Variants in FAM181A observed in about 807,000 individuals in gnomAD.
FAM181A encodes family with sequence similarity 181 member A.
In FAM181A, 7 loss-of-function variants were observed where a neutral mutation model predicts 16.3. The ratio of observed to expected loss-of-function variants is 0.43; its 90% CI spans 0.24 to 0.81. The LOEUF (loss-of-function observed/expected upper bound fraction) is 0.81. Ranked by LOEUF, FAM181A falls within the 30% of genes least tolerant of loss-of-function variation. FAM181A has a pLI of 0.24. For synonymous variants in FAM181A, 183 were observed against 164.9 expected (o/e 1.11, Z -0.84); for missense variants, 349 against 377.5 (o/e 0.92, Z 0.63).
At chr14:93,927,060 A>ACACACACC (rs143090510), upstream of FAM181A, 136 of 154,184 alleles carry the variant, frequency 8.8e-4, 1 homozygote, top group Non-Finnish European at 1.3e-3. Context: ...ACACACACAC[A>ACACACACC]CCCCACCCCC....
At chr14:93,927,736 GGAGTGGTGGGA>G in intron 1 of FAM181A, 1 of 987,860 alleles carries the variant, frequency 1.0e-6, no homozygotes, top group South Asian at 1.7e-5. Flanking sequence ...GCTGGGGGCA[GGAGTGGTGGGA>G]GGGGGAGGCT....
chr14:93,922,595 C>T (rs963513457), upstream of FAM181A, among the ~76,000 whole-genome samples: 1 of 152,178 alleles, frequency 6.6e-6, no homozygotes, highest in Non-Finnish European at 1.5e-5. Context: ...GAGGCTGAGG[C>T]AGGAGAATCA....
Position 93,928,593 on chromosome 14 carries a change from C to T in FAM181A, c.308C>T (p.Pro103Leu), listed in dbSNP as rs752651380. Residue 103 changes from proline (P) to leucine (L), a missense_variant, in exon 2 of 2, where the codon CCC becomes CTC. Transcript: ENST00000556222. The part of the protein sequence containing the change: ...GGCKEKVLRN[P>L]YREECLAKEQ... Reference sequence around the variant, plus strand: ...TGCAAGGAGAAGGTGCTGAGGAACCCCTACAGGGAGGAATGTCTTGCTAAG... The same window carrying T: ...TGCAAGGAGAAGGTGCTGAGGAACCTCTACAGGGAGGAATGTCTTGCTAAG... The T allele has an allele frequency of 9.3e-6, 15 of 1,613,764 alleles. No homozygotes were observed. The Admixed American group carries it at 2.5e-4, about 27-fold the overall frequency.
At chr14:93,923,581 C>A (rs908337881), upstream of FAM181A, 2 of 152,294 alleles carry the variant, frequency 1.3e-5, no homozygotes, top group African/African-American at 4.8e-5. Flanking sequence ...GCCACCTCCA[C>A]ACCCTCTGGT....
upstream of FAM181A, chr14:93,927,126 G>A: frequency 3.5e-6 from 1 of 283,244 alleles, no homozygotes; most frequent in South Asian, 1.2e-4. Context: ...GCTGAGGAGA[G>A]TGGGGCTGAA....
chr14:93,925,474 G>GA, upstream of FAM181A: 1 of 1,009,934 alleles, frequency 9.9e-7, no homozygotes, highest in South Asian at 1.6e-5. Flanking sequence ...GGTGGCCACA[G>GA]GCCCTCAGGG....
Position 93,928,454 on chromosome 14 carries a change from C to T in FAM181A, c.169C>T (p.Arg57Trp), listed in dbSNP as rs142299390. 676 of 1,611,698 alleles carry T rather than the reference C, an allele frequency of 4.2e-4. 2 individuals carry two copies. The highest frequency in any genetic ancestry group is 1.6e-4 in the Middle Eastern group (1 of 6,076). ...CTCCCAGAAGTATTCCCGGCTCCCG[C>T]GGGGCCTTCCTGGCAGAGCTGCTGA... ...RFSQKYSRLP[R>W]GLPGRAAEPY... Residue 57 changes from arginine to tryptophan, a missense_variant, in exon 2 of 2, where the codon CGG (arginine) becomes TGG (tryptophan). Transcript: ENST00000556222.
At chr14:93,921,287 G>A (rs1887714656) in intron 1 of FAM181A, among the ~76,000 whole-genome samples, 1 of 152,328 alleles carries the variant, frequency 6.6e-6, no homozygotes, top group African/African-American at 2.4e-5. Flanking sequence ...TCCAACGTGG[G>A]ACTTGATCAC....
chr14:93,928,735 T>C lies in FAM181A; in HGVS notation c.450T>C (p.His150=). The C allele has an allele frequency of 6.2e-7, 1 of 1,613,840 alleles. No homozygotes were observed. Among genetic ancestry groups the C allele is most frequent in the Non-Finnish European group, 8.5e-7 (1 of 1,179,942 alleles). The stretch of plus-strand genomic sequence containing the variant: ...AGCCAAGGCCCACCCACAGCTACCA[T>C]GTGGGGCTGGAGGGGGGACTGGGCC... ...WEEPRPTHSY[H]VGLEGGLGPR... Residue 150 remains histidine, a synonymous_variant, in exon 2 of 2, where the codon CAT becomes CAC. Transcript: ENST00000556222.
intron 1 of FAM181A, among the ~76,000 whole-genome samples, chr14:93,927,833 C>G (rs1362633304): frequency 6.6e-6 from 1 of 151,828 alleles, no homozygotes; most frequent in African/African-American, 2.4e-5. Context: ...AAACACCTCG[C>G]TGGCAAGTTG....
chr14:93,929,132 C>T lies in FAM181A; in HGVS notation c.847C>T (p.Pro283Ser). The T allele has an allele frequency of 1.3e-6, 2 of 1,521,882 alleles. No homozygotes were observed. Among genetic ancestry groups the T allele is most frequent in the Non-Finnish European group, 1.8e-6 (2 of 1,136,562 alleles). 94.3% of individuals were successfully genotyped at this position (1,521,882 alleles called of 1,614,324 possible). ...KPIPTKPAVPPPIFNVFGYL is the reference protein window; with the variant it reads ...KPIPTKPAVPSPIFNVFGYL The stretch of plus-strand genomic sequence containing the variant: ...CATCCCCACCAAGCCAGCCGTGCCC[C>T]CACCCATCTTCAATGTCTTTGGCTA... Residue 283 changes from proline to serine, a missense_variant, in exon 2 of 2, where the codon CCA (proline) becomes TCA (serine). Physicochemically the swap from Pro to Ser is moderately conservative, Grantham distance 74. Transcript: ENST00000556222.
chr14:93,925,119 G>C (rs370583616), upstream of FAM181A: 14 of 639,286 alleles, frequency 2.2e-5, no homozygotes, highest in Non-Finnish European at 3.5e-5. Flanking sequence ...CACCTCCCAC[G>C]GAGTCCACGG....
At chr14:93,927,233 G>C, upstream of FAM181A, 1 of 973,800 alleles carries the variant, frequency 1.0e-6, no homozygotes, top group Non-Finnish European at 1.2e-6. Context: ...ATGTGGGAAC[G>C]GGGCGCCGCC....
chr14:93,919,941 A>G (rs564220496), intron 1 of FAM181A, among the ~76,000 whole-genome samples: 1 of 150,724 alleles, frequency 6.6e-6, no homozygotes, highest in African/African-American at 2.5e-5. Flanking sequence ...AGCCCAAAGC[A>G]AGAAGAAGAA....
Position 93,928,733 on chromosome 14 carries a change from C to A in FAM181A, c.448C>A (p.His150Asn), listed in dbSNP as rs946198589. The A allele has an allele frequency of 6.2e-7, 1 of 1,614,002 alleles. No homozygotes were observed. Among genetic ancestry groups the A allele is most frequent in the Non-Finnish European group, 8.5e-7 (1 of 1,179,968 alleles). ...WEEPRPTHSY[H>N]VGLEGGLGPR... ...AGAGCCAAGGCCCACCCACAGCTAC[C>A]ATGTGGGGCTGGAGGGGGGACTGGG... is the stretch of plus-strand genomic sequence containing the variant. The change falls in exon 2 of 2, where the codon CAT becomes AAT. Residue 150 changes from histidine (H) to asparagine (N), a missense_variant. Transcript: ENST00000556222.
chr14:93,927,782 G>A (rs1043509401), intron 1 of FAM181A, among the ~76,000 whole-genome samples: 1 of 151,932 alleles, frequency 6.6e-6, no homozygotes, highest in African/African-American at 2.4e-5. Flanking sequence ...AGGGGGCTTG[G>A]CCTTGCTTTA....
chr14:93,924,895 G>A (rs1887843511), upstream of FAM181A, among the ~76,000 whole-genome samples: 1 of 152,220 alleles, frequency 6.6e-6, no homozygotes, highest in East Asian at 1.9e-4. Flanking sequence ...CCCTCACGGA[G>A]CTGCCCCGAG....
At chr14:93,924,197 G>C (rs1022796382), upstream of FAM181A, among the ~76,000 whole-genome samples, 3 of 152,190 alleles carry the variant, frequency 2.0e-5, no homozygotes, top group African/African-American at 7.2e-5. Flanking sequence ...AGCTAAGGAG[G>C]TTAGACTTCA....
At chr14:93,921,710 C>T (rs1054774819) in intron 1 of FAM181A, among the ~76,000 whole-genome samples, 2 of 152,124 alleles carry the variant, frequency 1.3e-5, no homozygotes, top group Non-Finnish European at 2.9e-5. Context: ...CCTAACTCTC[C>T]AGGGCAGGGG....
Sources: allele counts gnomAD v4.1 joint callset (sites outside exome capture counted in the v4.1 genomes callset), GRCh38; gene constraint gnomAD v4.1.1; transcripts MANE v1.5; gene names NCBI Gene and HGNC (gene_info 2026-07-23, HGNC 2026-07-21).